CDK14: variants seen among roughly 807,000 people sequenced by gnomAD.
CDK14 encodes cyclin dependent kinase 14.
Under a neutral mutation model 60.7 loss-of-function variants are expected in CDK14, and 34 were observed. That is an observed-to-expected ratio of 0.56 (90% confidence interval 0.43 to 0.75). The LOEUF (loss-of-function observed/expected upper bound fraction) is 0.75. Among genes scored for constraint, CDK14 ranks in the 30% least tolerant of loss-of-function variants. The pLI is 0.00. For missense variants in CDK14, 482 were observed against 564.1 expected (o/e 0.85, Z 1.47); for synonymous variants, 197 against 203.7 (o/e 0.97, Z 0.28).
At chr7:90,825,043 G>A (rs1789676082) in intron 5 of CDK14, among the ~76,000 whole-genome samples, 2 of 152,200 alleles carry the variant, frequency 1.3e-5, no homozygotes, top group African/African-American at 4.8e-5. Context: ...TGGTTGTACA[G>A]CCTACACTGT....
At chr7:90,810,480 T>C (rs890226566) in intron 5 of CDK14, among the ~76,000 whole-genome samples, 1 of 152,138 alleles carries the variant, frequency 6.6e-6, no homozygotes, top group African/African-American at 2.4e-5. Context: ...CTCAAAATAA[T>C]AAGAGCTATC....
At chr7:90,719,424 C>T (rs192386489) in intron 2 of CDK14, among the ~76,000 whole-genome samples, 20 of 152,262 alleles carry the variant, frequency 1.3e-4, no homozygotes, top group Admixed American at 1.1e-3. Flanking sequence ...AAATGAATGC[C>T]AACCTTAACT....
chr7:90,707,440 C>T (rs1801923337), intron 2 of CDK14, among the ~76,000 whole-genome samples: 1 of 152,048 alleles, frequency 6.6e-6, no homozygotes, highest in Non-Finnish European at 1.5e-5. Context: ...AAGTGGCCTC[C>T]CCACTTCCCT....
chr7:90,720,440 G>T (rs1345816575), intron 2 of CDK14, among the ~76,000 whole-genome samples: 1 of 152,146 alleles, frequency 6.6e-6, no homozygotes, highest in African/African-American at 2.4e-5. Context: ...CACAGCTCAT[G>T]GCCTTTGTAT....
At chr7:91,061,742 C>G (rs1329929383) in intron 11 of CDK14, among the ~76,000 whole-genome samples, 3 of 152,170 alleles carry the variant, frequency 2.0e-5, no homozygotes, top group Non-Finnish European at 4.4e-5. Context: ...AATGTTGCTG[C>G]CTGATCGTTC....
intron 12 of CDK14, among the ~76,000 whole-genome samples, chr7:91,108,011 A>G (rs534782010): frequency 6.6e-6 from 1 of 152,358 alleles, no homozygotes; most frequent in African/African-American, 2.4e-5. Context: ...AACACTCAGC[A>G]AAAGATGCTT....
At chr7:91,027,396 C>G (rs946436896) in intron 10 of CDK14, among the ~76,000 whole-genome samples, 2 of 152,148 alleles carry the variant, frequency 1.3e-5, no homozygotes, top group Non-Finnish European at 1.5e-5. Flanking sequence ...CGTCGTGTGC[C>G]AGTGTTGTTA....
At chr7:90,795,869 G>A (rs185469058) in intron 5 of CDK14, among the ~76,000 whole-genome samples, 7 of 152,264 alleles carry the variant, frequency 4.6e-5, no homozygotes, top group South Asian at 4.1e-4. Context: ...AAGAAGGTTC[G>A]TAGTGGTATT....
At chr7:90,691,733 A>G (rs1801557471) in intron 2 of CDK14, among the ~76,000 whole-genome samples, 1 of 152,220 alleles carries the variant, frequency 6.6e-6, no homozygotes, top group Non-Finnish European at 1.5e-5. Context: ...AATCTGCAAG[A>G]TGATGGTACA....
intron 11 of CDK14, among the ~76,000 whole-genome samples, chr7:91,070,971 G>A (rs1044640702): frequency 6.6e-6 from 1 of 152,054 alleles, no homozygotes; most frequent in African/African-American, 2.4e-5. Flanking sequence ...ATAGGATAAA[G>A]GTGTCACTTC....
chr7:91,060,124 T>C (rs2116109390), intron 11 of CDK14, among the ~76,000 whole-genome samples: 1 of 152,344 alleles, frequency 6.6e-6, no homozygotes, highest in Non-Finnish European at 1.5e-5. Flanking sequence ...TAGTTAGCTC[T>C]TCTTGTTGAA....
intron 2 of CDK14, among the ~76,000 whole-genome samples, chr7:90,653,981 T>G (rs890380457): frequency 6.6e-6 from 1 of 152,246 alleles, no homozygotes; most frequent in African/African-American, 2.4e-5. Context: ...TCCATGTCCC[T>G]ACAAAGGACA....
intron 2 of CDK14, among the ~76,000 whole-genome samples, chr7:90,713,462 C>A (rs533482521): frequency 6.6e-6 from 1 of 151,918 alleles, no homozygotes; most frequent in East Asian, 1.9e-4. Flanking sequence ...TTTCTGTCCT[C>A]CTAACTGTTT....
intron 5 of CDK14, among the ~76,000 whole-genome samples, chr7:90,794,476 A>T (rs962611857): frequency 6.6e-6 from 1 of 151,792 alleles, no homozygotes; most frequent in Admixed American, 6.6e-5. Flanking sequence ...CGGCCATTTT[A>T]GAGACCTCCC....
intron 10 of CDK14, among the ~76,000 whole-genome samples, chr7:91,019,138 A>G (rs976878876): frequency 9.2e-5 from 14 of 152,214 alleles, no homozygotes; most frequent in African/African-American, 3.4e-4. Flanking sequence ...AGCCTGGCAT[A>G]TAGTAAACTC....
intron 5 of CDK14, among the ~76,000 whole-genome samples, chr7:90,861,510 A>C (rs1209393816): frequency 6.6e-6 from 1 of 152,190 alleles, no homozygotes; most frequent in Non-Finnish European, 1.5e-5. Context: ...CAAAACTGGG[A>C]TGCTGTGTAG....
At chr7:91,101,459 C>T (rs551766391) in intron 12 of CDK14, among the ~76,000 whole-genome samples, 1 of 152,238 alleles carries the variant, frequency 6.6e-6, no homozygotes, top group South Asian at 2.1e-4. Flanking sequence ...GAGATTGTGG[C>T]ATTAAACAAT....
At chr7:90,689,344 A>G (rs1801506734) in intron 2 of CDK14, among the ~76,000 whole-genome samples, 1 of 152,072 alleles carries the variant, frequency 6.6e-6, no homozygotes, top group Admixed American at 6.6e-5. Context: ...TTTTATTTTT[A>G]TCTGTTATCA....
chr7:90,940,333 G>T (rs1185536308), intron 8 of CDK14, among the ~76,000 whole-genome samples: 1 of 152,012 alleles, frequency 6.6e-6, no homozygotes, highest in African/African-American at 2.4e-5. Context: ...TATTATAGTT[G>T]GTTCCATATT....
Sources: gnomAD v4.1 joint callset for allele counts (sites outside exome capture counted in the v4.1 genomes callset) on GRCh38, gnomAD v4.1.1 for gene constraint, MANE v1.5 for transcripts, NCBI Gene and HGNC (gene_info 2026-07-23, HGNC 2026-07-21) for gene names.